The following STXBP5L variants were observed in gnomAD, a reference collection of about 807,000 sequenced individuals.
STXBP5L encodes the protein syntaxin binding protein 5L, also known as syntaxin-binding protein 5-like.
A neutral mutation model predicts 144.5 loss-of-function variants in STXBP5L; 65 were observed. The ratio of observed to expected loss-of-function variants is 0.45; its 90% CI spans 0.37 to 0.55. STXBP5L has a LOEUF of 0.55. Ranked by LOEUF, STXBP5L falls within the 20% of genes least tolerant of loss-of-function variation. The pLI is 0.00. For missense variants in STXBP5L, 1,298 were observed against 1,405.5 expected, an observed-to-expected ratio of 0.92 and a Z score of 1.22; for synonymous variants, 505 against 469.6, an observed-to-expected ratio of 1.08 and a Z score of -0.97.
intron 19 of STXBP5L, among the ~76,000 whole-genome samples, chr3:121,314,608 AGAGGGAGAGG>A (rs1352894416): frequency 1.4e-5 from 2 of 147,334 alleles, no homozygotes; most frequent in African/African-American, 2.5e-5. Context: ...AGGGAGAGGG[AGAGGGAGAGG>A]GAGAGGGAGA....
intron 3 of STXBP5L, among the ~76,000 whole-genome samples, chr3:121,014,519 A>G (rs1443742295): frequency 1.3e-5 from 2 of 152,056 alleles, no homozygotes; most frequent in Non-Finnish European, 2.9e-5. Context: ...TGAGTAGTAT[A>G]CAAATGTATA....
intron 5 of STXBP5L, among the ~76,000 whole-genome samples, chr3:121,069,584 G>T (rs554723105): frequency 6.6e-6 from 1 of 152,050 alleles, no homozygotes; most frequent in African/African-American, 2.4e-5. Context: ...TGGAGTGGCT[G>T]TGTCACTTTA....
intron 3 of STXBP5L, among the ~76,000 whole-genome samples, chr3:121,003,312 A>T (rs889847780): frequency 6.6e-6 from 1 of 151,618 alleles, no homozygotes; most frequent in Non-Finnish European, 1.5e-5. Context: ...GCCAGTGATG[A>T]TGAGCATTTT....
At chr3:121,337,958 G>A (rs186121543) in intron 20 of STXBP5L, among the ~76,000 whole-genome samples, 1 of 152,098 alleles carries the variant, frequency 6.6e-6, no homozygotes, top group African/African-American at 2.4e-5. Flanking sequence ...GATGATTTGG[G>A]GGTAAAAAAT....
intron 20 of STXBP5L, among the ~76,000 whole-genome samples, chr3:121,329,178 C>T (rs2108554119): frequency 6.6e-6 from 1 of 152,166 alleles, no homozygotes; most frequent in Admixed American, 6.5e-5. Context: ...TTCTTATGTA[C>T]CTTCTTATCC....
intron 20 of STXBP5L, among the ~76,000 whole-genome samples, chr3:121,324,958 T>A (rs2044095461): frequency 6.6e-6 from 1 of 152,042 alleles, no homozygotes; most frequent in African/African-American, 2.4e-5. Flanking sequence ...TTTTTTTATA[T>A]TCTCTGTAAT....
chr3:121,377,755 A>C (rs1263759609), intron 20 of STXBP5L, among the ~76,000 whole-genome samples: 1 of 152,228 alleles, frequency 6.6e-6, no homozygotes, highest in Non-Finnish European at 1.5e-5. Context: ...TTGTGGAAAC[A>C]GTGTGGCGAT....
At chr3:121,412,314 G>C (rs2047130812) in intron 23 of STXBP5L, among the ~76,000 whole-genome samples, 1 of 152,172 alleles carries the variant, frequency 6.6e-6, no homozygotes, top group Non-Finnish European at 1.5e-5. Flanking sequence ...GGCTGAGAAA[G>C]AAAGTGTTCC....
intron 9 of STXBP5L, among the ~76,000 whole-genome samples, chr3:121,181,119 CAA>C (rs1244071734): frequency 1.3e-4 from 10 of 75,776 alleles, no homozygotes; most frequent in African/African-American, 4.8e-4. Context: ...AAGAAGAAAA[CAA>C]AAGAAGAGAA....
intron 19 of STXBP5L, among the ~76,000 whole-genome samples, chr3:121,292,683 T>A (rs1424729221): frequency 6.6e-6 from 1 of 152,128 alleles, no homozygotes; most frequent in Admixed American, 6.5e-5. Context: ...ATGTGGTATA[T>A]CATGGAATAC....
Position 121,250,762 on chromosome 3 carries a change from A to C in STXBP5L, c.1440A>C (p.Ala480=). 1 of 1,609,802 alleles carries C rather than the reference A, an allele frequency of 6.2e-7. No individual in the cohort carries two copies. The part of the protein sequence containing the change: ...DGSIKFWDAS[A]ITLQMLYKLK... ...CAATAAAATTTTGGGATGCTTCTGC[A>C]AGTAAGTTTCAAGTTTCTGTACAAC... Residue 480 remains alanine (A), a splice_region_variant and synonymous_variant, in exon 15 of 27, where the codon GCA becomes GCC. Transcript: ENST00000471454.
intron 9 of STXBP5L, among the ~76,000 whole-genome samples, chr3:121,186,109 G>T (rs1463637581): frequency 1.3e-5 from 2 of 152,076 alleles, no homozygotes; most frequent in African/African-American, 4.8e-5. Context: ...GTCTGTTATT[G>T]GTGTATAAGA....
intron 19 of STXBP5L, among the ~76,000 whole-genome samples, chr3:121,303,806 C>T (rs2052029967): frequency 6.6e-6 from 1 of 151,848 alleles, no homozygotes; most frequent in Non-Finnish European, 1.5e-5. Flanking sequence ...CATATTCTCA[C>T]TCATAGGTGG....
chr3:121,328,606 C>T lies in STXBP5L; in HGVS notation c.2176+10066C>T, dbSNP rs536498944. On this transcript the variant is annotated intron_variant, in intron 20 of 26. Transcript: ENST00000471454. ...TCTACTAAAAATATAAAAACTTAGC[C>T]GGGCATGGTGGCATGCGCCTGTAAT... Among the ~76,000 whole-genome samples, 103 of 152,116 alleles carry T rather than the reference C, an allele frequency of 6.8e-4. 1 individual carries two copies. The South Asian group carries it at 0.02, about 30-fold the overall frequency.
intron 9 of STXBP5L, among the ~76,000 whole-genome samples, chr3:121,170,398 G>A (rs910225808): frequency 6.6e-6 from 1 of 152,048 alleles, no homozygotes; most frequent in Non-Finnish European, 1.5e-5. Flanking sequence ...AAAAATCAAT[G>A]AATCTAGGAG....
chr3:121,264,805 CAAAA>C (rs60150188), intron 18 of STXBP5L, among the ~76,000 whole-genome samples: 1 of 114,402 alleles, frequency 8.7e-6, no homozygotes, highest in Non-Finnish European at 1.8e-5. Context: ...ATGGAAAGCA[CAAAA>C]AAAAAAAAAA....
intron 18 of STXBP5L, among the ~76,000 whole-genome samples, chr3:121,270,168 A>G (rs1346123143): frequency 2.0e-5 from 3 of 151,660 alleles, no homozygotes; most frequent in African/African-American, 4.8e-5. Flanking sequence ...GAAAGATAAT[A>G]TAACAAATTT....
chr3:120,951,703 G>T (rs1314135065), intron 2 of STXBP5L, among the ~76,000 whole-genome samples: 6 of 151,764 alleles, frequency 4.0e-5, no homozygotes, highest in Middle Eastern at 3.2e-3. Context: ...TTACACTGTT[G>T]TTGGGACTGT....
At chr3:121,298,003 G>A (rs903960820) in intron 19 of STXBP5L, among the ~76,000 whole-genome samples, 1 of 152,160 alleles carries the variant, frequency 6.6e-6, no homozygotes. Context: ...CCCAGAAGTA[G>A]GATTGCTGGA....
Sources: gnomAD v4.1 joint callset for allele counts (sites outside exome capture counted in the v4.1 genomes callset) on GRCh38, gnomAD v4.1.1 for gene constraint, MANE v1.5 for transcripts, NCBI Gene and HGNC (gene_info 2026-07-23, HGNC 2026-07-21) for gene names.